The following LINGO2 variants were observed in gnomAD, a reference collection of about 807,000 sequenced individuals.
LINGO2 encodes the protein leucine rich repeat and Ig domain containing 2, also known as leucine-rich repeat and immunoglobulin-like domain-containing nogo receptor-interacting protein 2.
LINGO2 carries 14 observed loss-of-function variants against 30.6 expected under a neutral mutation model. That is an observed-to-expected ratio of 0.46 (90% CI 0.30 to 0.72). The LOEUF (loss-of-function observed/expected upper bound fraction) is 0.72. Ranked by LOEUF, LINGO2 falls within the 30% of genes least tolerant of loss-of-function variation. The pLI, the probability that LINGO2 is intolerant of heterozygous loss-of-function variation, is 0.07. For missense variants in LINGO2, 729 were observed against 751.7 expected, an observed-to-expected ratio of 0.97 and a Z score of 0.35; for synonymous variants, 317 against 288.5, an observed-to-expected ratio of 1.10 and a Z score of -1.00.
the LINGO2 span, among the ~76,000 whole-genome samples, chr9:29,126,479 A>G: frequency 6.6e-6 from 1 of 152,166 alleles, no homozygotes; most frequent in Admixed American, 6.6e-5. Context: ...TAATCTCAAT[A>G]CAGAAATATT....
chr9:28,869,683 G>T, the LINGO2 span, among the ~76,000 whole-genome samples: 1 of 151,896 alleles, frequency 6.6e-6, no homozygotes, highest in Non-Finnish European at 1.5e-5. Flanking sequence ...TCTTCAAGGA[G>T]CCCACAGATC....
At chr9:27,990,322 T>G (rs80109132) in intron 5 of LINGO2, among the ~76,000 whole-genome samples, 439 of 152,130 alleles carry the variant, frequency 2.9e-3, no homozygotes, top group African/African-American at 1.0e-2. Flanking sequence ...GTTCATGATT[T>G]CTGTATATAT....
intron 4 of LINGO2, among the ~76,000 whole-genome samples, chr9:28,072,325 T>C (rs1443308824): frequency 6.6e-6 from 1 of 152,204 alleles, no homozygotes; most frequent in Admixed American, 6.5e-5. Flanking sequence ...TTTAGGGGTG[T>C]TCCCAAGAGG....
intron 4 of LINGO2, among the ~76,000 whole-genome samples, chr9:28,013,962 G>A (rs1822688980): frequency 1.3e-5 from 2 of 152,144 alleles, no homozygotes; most frequent in African/African-American, 4.8e-5. Context: ...AATCAAACTA[G>A]TTACATTGCT....
chr9:29,072,729 CTT>C, the LINGO2 span, among the ~76,000 whole-genome samples: 2 of 151,382 alleles, frequency 1.3e-5, no homozygotes, highest in Non-Finnish European at 2.9e-5. Context: ...CTTTCCCTCT[CTT>C]GTCTTCTCTT....
intron 2 of LINGO2, among the ~76,000 whole-genome samples, chr9:28,437,404 CA>C: frequency 6.6e-6 from 1 of 152,248 alleles, no homozygotes; most frequent in Non-Finnish European, 1.5e-5. Context: ...GAGGCTGTCA[CA>C]ATTGGCCGCA....
intron 4 of LINGO2, among the ~76,000 whole-genome samples, chr9:28,294,033 G>A (rs1304833985): frequency 6.6e-6 from 1 of 151,974 alleles, no homozygotes; most frequent in African/African-American, 2.4e-5. Flanking sequence ...AAACATTTCT[G>A]CCATGAGATT....
At chr9:28,698,635 T>C in the LINGO2 span, among the ~76,000 whole-genome samples, 3 of 151,832 alleles carry the variant, frequency 2.0e-5, no homozygotes, top group Non-Finnish European at 4.4e-5. Flanking sequence ...TTTTTAAGAG[T>C]TTATTTTTTA....
chr9:28,931,426 C>T, the LINGO2 span, among the ~76,000 whole-genome samples: 42 of 152,266 alleles, frequency 2.8e-4, no homozygotes, highest in African/African-American at 9.6e-4. Context: ...AGGTACAATC[C>T]ATTTTCTCTG....
At chr9:28,096,069 G>A (rs538913030) in intron 4 of LINGO2, among the ~76,000 whole-genome samples, 1 of 152,200 alleles carries the variant, frequency 6.6e-6, no homozygotes, top group South Asian at 2.1e-4. Flanking sequence ...TGAGCCCAGA[G>A]GTTCAAGGCT....
intron 4 of LINGO2, among the ~76,000 whole-genome samples, chr9:28,112,024 G>GAGTTTAGGCCCCA (rs1248004766): frequency 7.9e-6 from 1 of 126,384 alleles, no homozygotes; most frequent in Non-Finnish European, 1.7e-5. Context: ...GTGTCATCTA[G>GAGTTTAGGCCCCA]CATTAGGTAT....
chr9:29,081,144 T>G, the LINGO2 span, among the ~76,000 whole-genome samples: 2 of 152,082 alleles, frequency 1.3e-5, no homozygotes, highest in African/African-American at 4.8e-5. Context: ...TTTTGACCAA[T>G]ATCCCTGATG....
chr9:29,180,751 T>C, the LINGO2 span, among the ~76,000 whole-genome samples: 1 of 151,994 alleles, frequency 6.6e-6, no homozygotes, highest in Non-Finnish European at 1.5e-5. Context: ...TTCTATCAAA[T>C]AACAACTAAA....
At chr9:28,996,327 A>G in the LINGO2 span, among the ~76,000 whole-genome samples, 4 of 152,172 alleles carry the variant, frequency 2.6e-5, no homozygotes, top group Non-Finnish European at 5.9e-5. Context: ...GATACCATTC[A>G]CTATGTTAAA....
intron 4 of LINGO2, among the ~76,000 whole-genome samples, chr9:28,289,587 T>C (rs1461635980): frequency 6.6e-6 from 1 of 152,224 alleles, no homozygotes; most frequent in African/African-American, 2.4e-5. Flanking sequence ...TAATTATTAA[T>C]TGCATTATCT....
the LINGO2 span, among the ~76,000 whole-genome samples, chr9:28,866,777 A>G: frequency 6.6e-6 from 1 of 152,062 alleles, no homozygotes; most frequent in Non-Finnish European, 1.5e-5. Context: ...CGGGGGGTAA[A>G]TTCCAGCTAA....
intron 4 of LINGO2, among the ~76,000 whole-genome samples, chr9:28,293,005 C>T (rs1054878355): frequency 6.6e-5 from 10 of 152,056 alleles, no homozygotes; most frequent in African/African-American, 1.9e-4. Flanking sequence ...ATCTCCTAAC[C>T]TTGTGATCCG....
chr9:28,552,263 T>C (rs1822327805), intron 1 of LINGO2, among the ~76,000 whole-genome samples: 1 of 152,024 alleles, frequency 6.6e-6, no homozygotes, highest in Non-Finnish European at 1.5e-5. Flanking sequence ...TCTTCTAGAT[T>C]GGATGCCCTA....
intron 5 of LINGO2, among the ~76,000 whole-genome samples, chr9:27,959,454 G>A (rs1819732876): frequency 1.3e-5 from 2 of 152,024 alleles, no homozygotes; most frequent in African/African-American, 2.4e-5. Flanking sequence ...TTTTTATAAA[G>A]TATCATTCGG....
Sources: gnomAD v4.1 joint callset for allele counts (sites outside exome capture counted in the v4.1 genomes callset) on GRCh38, gnomAD v4.1.1 for gene constraint, MANE v1.5 for transcripts, NCBI Gene and HGNC (gene_info 2026-07-23, HGNC 2026-07-21) for gene names.